The following USP6NL variants were observed in gnomAD, a reference collection of about 807,000 sequenced individuals.
The protein encoded by USP6NL is USP6 N-terminal like.
A neutral mutation model predicts 61.9 loss-of-function variants in USP6NL; 26 were observed. The ratio of observed to expected loss-of-function variants is 0.42; its 90% CI spans 0.31 to 0.58. The LOEUF is 0.58. Among genes scored for constraint, USP6NL ranks in the 20% least tolerant of loss-of-function variants. The probability of loss-of-function intolerance (pLI) is 0.16; values close to 1 mark genes in which losing one functional copy is unlikely to be tolerated. For synonymous variants in USP6NL, 432 were observed against 390.1 expected, an observed-to-expected ratio of 1.11 and a Z score of -1.27; for missense variants, 1,114 against 1,034.3, an observed-to-expected ratio of 1.08 and a Z score of -1.06.
At position 11,485,982 on chromosome 10, in the gene USP6NL, A is replaced by G. The variant is rs574118529; in HGVS notation, c.665-71T>C. On this transcript the variant is annotated intron_variant, in intron 10 of 14. Transcript: ENST00000609104. This position sits in a 1 kb window ranked among gnomAD's most constrained non-coding sequence, Gnocchi z 4.8. Reference sequence around the variant, plus strand: ...AAACCCTCCAATCTTAAAACACAACATATTTCATTTGTAACTGTCAAAAAT... The same window carrying G: ...AAACCCTCCAATCTTAAAACACAACGTATTTCATTTGTAACTGTCAAAAAT... 146 of 1,047,202 alleles carry G rather than the reference A, an allele frequency of 1.4e-4. No individual in the cohort carries two copies. In the African/African-American group the frequency reaches 2.2e-3, roughly 15 times the overall value. 64.9% of individuals were successfully genotyped at this position (1,047,202 alleles called of 1,614,324 possible).
chr10:11,581,493 A>T (rs955728635), intron 2 of USP6NL, among the ~76,000 whole-genome samples: 2 of 152,146 alleles, frequency 1.3e-5, no homozygotes, highest in African/African-American at 4.8e-5. Context: ...TTTTCAGAAA[A>T]CTTTTTTGGC....
rs775008620 is a variant in USP6NL at position 11,575,762 on chromosome 10, C to G, written c.4+21869G>C. ...CAGTAAGAATATCTGATCACATACT[C>G]TGATGTATGTAACTGAGCTGAACTC... On this transcript the variant is annotated intron_variant, in intron 2 of 14. Transcript: ENST00000609104. The surrounding 1 kb of genome is among the most constrained non-coding windows in gnomAD (Gnocchi z 4.2). Among the ~76,000 whole-genome samples, 4 of 152,172 alleles carry G rather than the reference C, an allele frequency of 2.6e-5. No homozygotes were observed. Among genetic ancestry groups the G allele is most frequent in the Non-Finnish European group, 5.9e-5 (4 of 68,036 alleles).
At chr10:11,555,433 A>AAT (rs1157927483) in intron 2 of USP6NL, among the ~76,000 whole-genome samples, 99 of 49,004 alleles carry the variant, frequency 2.0e-3, no homozygotes, top group Middle Eastern at 8.6e-3. Flanking sequence ...AAAAAAAAAA[A>AAT]ATATATATAT....
intron 4 of USP6NL, among the ~76,000 whole-genome samples, chr10:11,522,213 A>C (rs1469013660): frequency 6.6e-6 from 1 of 152,222 alleles, no homozygotes; most frequent in Non-Finnish European, 1.5e-5. Context: ...AGTTTCTAAA[A>C]CTGTAATTAG....
At position 11,481,937 on chromosome 10, in the gene USP6NL, G is replaced by C. The variant is rs927772311; in HGVS notation, c.926-15C>G. 6.3e-7 allele frequency: 1 copy of C among 1,592,312 alleles called. No individual in the cohort carries two copies. The highest frequency in any genetic ancestry group is 1.4e-5 in the African/African-American group (1 of 73,876). Reference sequence around the variant, plus strand: ...CATTAGATGTTCTAAGAAAGGATAAGAGAAATGAAAATGCCAAGTCAATAG... The same window carrying C: ...CATTAGATGTTCTAAGAAAGGATAACAGAAATGAAAATGCCAAGTCAATAG... On this transcript the variant is annotated splice_polypyrimidine_tract_variant and intron_variant, in intron 13 of 14. Coordinates refer to ENST00000609104, the MANE Select transcript of USP6NL (RefSeq NM_014688.5). The surrounding 1 kb of genome is among the most constrained non-coding windows in gnomAD (Gnocchi z 4.4).
Position 11,597,745 on chromosome 10 carries a change from A to G in USP6NL, c.-83-28T>C, listed in dbSNP as rs1838377990. The stretch of plus-strand genomic sequence containing the variant: ...AGTCAGGAAACAAAGAGAAAGAAAT[A>G]GTATTTTCTAGAGGTCAATATTTAA... On this transcript the variant is annotated intron_variant, in intron 1 of 14. Transcript: ENST00000609104. The surrounding 1 kb of genome is among the most constrained non-coding windows in gnomAD (Gnocchi z 4.6). The G allele has an allele frequency of 6.3e-6, 5 of 797,704 alleles. No individual in the cohort carries two copies. The East Asian group carries it at 1.4e-4, about 22-fold the overall frequency. 49.4% of individuals were successfully genotyped at this position (797,704 alleles called of 1,614,324 possible).
rs928560553 is a variant in USP6NL, at chr10:11,598,181, TTTC to T, written c.-83-467_-83-465del. ...ATAGACTTTCTCTAGCAATGAATATTTTCTTCATTATAAAAGTAATATGGGTTC... is the reference window on the plus strand; with the variant it reads ...ATAGACTTTCTCTAGCAATGAATATTTTCATTATAAAAGTAATATGGGTTC... On this transcript the variant is annotated intron_variant, in intron 1 of 14. Transcript: ENST00000609104. This position sits in a 1 kb window ranked among gnomAD's most constrained non-coding sequence, Gnocchi z 4.7. 9.2e-5 allele frequency among the ~76,000 whole-genome samples: 14 copies of T among 152,322 alleles called. No homozygotes were observed. The highest frequency in any genetic ancestry group is 3.4e-4 in the African/African-American group (14 of 41,568).
chr10:11,504,641 T>C (rs1051148869), intron 6 of USP6NL, among the ~76,000 whole-genome samples: 3 of 152,220 alleles, frequency 2.0e-5, no homozygotes, highest in African/African-American at 7.2e-5. Flanking sequence ...CATTCATTCA[T>C]TCTAAAATGA....
chr10:11,604,920 G>A (rs929648158), intron 1 of USP6NL, among the ~76,000 whole-genome samples: 7 of 152,212 alleles, frequency 4.6e-5, no homozygotes, highest in African/African-American at 1.4e-4. Flanking sequence ...CTATATTGCA[G>A]GAACTGAAAC....
At chr10:11,504,033 A>G (rs1347396948) in intron 6 of USP6NL, among the ~76,000 whole-genome samples, 2 of 152,184 alleles carry the variant, frequency 1.3e-5, no homozygotes, top group Non-Finnish European at 2.9e-5. Context: ...TTACACCAAA[A>G]ACTTAAAAGG....
chr10:11,480,212 G>A (rs1833139580), intron 14 of USP6NL, among the ~76,000 whole-genome samples: 1 of 152,158 alleles, frequency 6.6e-6, no homozygotes, highest in South Asian at 2.1e-4. Context: ...GCACTTTTAT[G>A]AGTTATTTTT....
rs765147951 is a variant in USP6NL at position 11,463,058 on chromosome 10, G to T, written c.1870C>A (p.Arg624=). Residue 624 remains arginine, a synonymous_variant, in exon 15 of 15, where the codon CGA becomes AGA. Transcript: ENST00000609104. The surrounding 1 kb of genome is among the most constrained non-coding windows in gnomAD (Gnocchi z 6.3). Reference sequence around the variant, plus strand: ...TAGGAGGGGGGATGAGCTAGCCCTCGGGCTTCCCCATCTAGCTGGGACGGA... The same window carrying T: ...TAGGAGGGGGGATGAGCTAGCCCTCTGGCTTCCCCATCTAGCTGGGACGGA... ...RYPSQLDGEA[R]GLAHPPSYSN... The T allele has an allele frequency of 6.2e-7, 1 of 1,614,014 alleles. No individual in the cohort carries two copies. The highest frequency in any genetic ancestry group is 2.2e-5 in the East Asian group (1 of 44,882).
intron 3 of USP6NL, among the ~76,000 whole-genome samples, 181 bp downstream of exon 3, chr10:11,527,319 G>A (rs1305348590): frequency 2.6e-5 from 4 of 152,188 alleles, no homozygotes; most frequent in African/African-American, 4.8e-5. Context: ...AATAGCAACC[G>A]ACTGAAGTGG....
chr10:11,576,842 C>T (rs1202525708), intron 2 of USP6NL, among the ~76,000 whole-genome samples: 1 of 152,128 alleles, frequency 6.6e-6, no homozygotes, highest in Non-Finnish European at 1.5e-5. Flanking sequence ...GGCTCTTTAT[C>T]TTTCCACCCT....
chr10:11,544,839 C>CAA (rs1486875945), intron 2 of USP6NL, among the ~76,000 whole-genome samples: 1 of 152,026 alleles, frequency 6.6e-6, no homozygotes, highest in African/African-American at 2.4e-5. Context: ...CACAATGCAG[C>CAA]AATAAAAGAC....
In USP6NL at chr10:11,575,307, T is replaced by G. The variant is rs1837503138; in HGVS notation, c.4+22324A>C. On this transcript the variant is annotated intron_variant, in intron 2 of 14. Transcript: ENST00000609104. This position sits in a 1 kb window ranked among gnomAD's most constrained non-coding sequence, Gnocchi z 4.2. ...GCCTCATCCCACTTCCTAGGGCAGT[T>G]TGGGACACGTAATAAGTGTTAAGTA... Among the ~76,000 whole-genome samples, 2 of 152,212 alleles carry G rather than the reference T, an allele frequency of 1.3e-5. No individual in the cohort carries two copies. The highest frequency in any genetic ancestry group is 1.3e-4 in the Admixed American group (2 of 15,278).
chr10:11,510,096 CTGTT>C lies in USP6NL; in HGVS notation c.196-425_196-422del. ...CGAGAGTTTTTTAAAGGAAAAGTGG[CTGTT>C]TATTTATTTAATGGAAAGATTAATG... On this transcript the variant is annotated intron_variant, in intron 5 of 14. Transcript: ENST00000609104. This position sits in a 1 kb window ranked among gnomAD's most constrained non-coding sequence, Gnocchi z 4.8. Among the ~76,000 whole-genome samples, 1 of 152,156 alleles carries C rather than the reference CTGTT, an allele frequency of 6.6e-6. No individual in the cohort carries two copies. Among genetic ancestry groups the C allele is most frequent in the Admixed American group, 6.5e-5 (1 of 15,296 alleles).
At chr10:11,492,645 T>A (rs1167755559) in intron 8 of USP6NL, among the ~76,000 whole-genome samples, 1 of 152,260 alleles carries the variant, frequency 6.6e-6, no homozygotes, top group East Asian at 1.9e-4. Context: ...TTCTGTTTCC[T>A]GATTAGACTC....
Position 11,485,300 on chromosome 10 carries a change from G to C in USP6NL, c.760-66C>G. On this transcript the variant is annotated intron_variant, in intron 11 of 14. Transcript: ENST00000609104. This position sits in a 1 kb window ranked among gnomAD's most constrained non-coding sequence, Gnocchi z 4.8. ...ACTAAATTTAACAAAATAATACTAA[G>C]TTAGGAAGGCTGTTGGATGCAGCTA... 5.3e-6 allele frequency: 7 copies of C among 1,311,980 alleles called. No homozygotes were observed. The highest frequency in any genetic ancestry group is 7.2e-6 in the Non-Finnish European group (7 of 968,020). The allele number at this position is 1,311,980 out of a possible 1,614,324, so 81.3% of individuals were successfully genotyped here. A position where few individuals can be genotyped will look rare whatever the true frequency, so the allele number is the denominator to read the frequency against.
Sources: gnomAD v4.1 joint callset for allele counts (sites outside exome capture counted in the v4.1 genomes callset) on GRCh38, gnomAD v4.1.1 for gene constraint, Gnocchi (gnomAD v3.1) non-coding constraint, MANE v1.5 for transcripts, NCBI Gene and HGNC (gene_info 2026-07-23, HGNC 2026-07-21) for gene names.